Variants in CREBRF observed in about 807,000 individuals in gnomAD.
CREBRF encodes CREB3 regulatory factor.
A neutral mutation model predicts 66.1 loss-of-function variants in CREBRF; 5 were observed. That is an observed-to-expected ratio of 0.08 (90% CI 0.04 to 0.16). The LOEUF (loss-of-function observed/expected upper bound fraction) is 0.16. CREBRF is among the 10% of genes least tolerant of loss of function. CREBRF has a pLI of 1.00. For synonymous variants in CREBRF, 229 were observed against 264.4 expected, an observed-to-expected ratio of 0.87 and a Z score of 1.30; for missense variants, 531 against 744.9, an observed-to-expected ratio of 0.71 and a Z score of 3.34.
intron 6 of CREBRF, among the ~76,000 whole-genome samples, 187 bp downstream of exon 6, chr5:173,110,898 G>A (rs1439774259): frequency 6.6e-6 from 1 of 152,180 alleles, no homozygotes; most frequent in South Asian, 2.1e-4. Context: ...AAGTTTTTAA[G>A]AGGGGAGAGA....
At chr5:173,068,196 C>T (rs895730958) in intron 1 of CREBRF, 5 of 435,852 alleles carry the variant, frequency 1.1e-5, no homozygotes, top group East Asian at 7.3e-5. Flanking sequence ...ATTAAGAATA[C>T]TGACTGCCTG....
At chr5:173,104,602 C>T (rs940720146) in intron 4 of CREBRF, among the ~76,000 whole-genome samples, 2 of 151,944 alleles carry the variant, frequency 1.3e-5, no homozygotes, top group African/African-American at 4.8e-5. Context: ...ATTGCTTGAG[C>T]CGGGGAGGTC....
At position 173,090,293 on chromosome 5, in the gene CREBRF, TC is replaced by T; in HGVS notation, c.136-21del. Reference sequence around the variant, plus strand: ...TCCTTCTGAAATATGATGTGCAATTTCTTTTTTAAAACCTTTCTCAGGATAG... The same window carrying T: ...TCCTTCTGAAATATGATGTGCAATTTTTTTTTAAAACCTTTCTCAGGATAG... On this transcript the variant is annotated intron_variant, in intron 3 of 8. Coordinates refer to ENST00000296953, the MANE Select transcript of CREBRF (RefSeq NM_153607.3). This position sits in a 1 kb window ranked among gnomAD's most constrained non-coding sequence, Gnocchi z 4.5. The T allele has an allele frequency of 6.4e-7, 1 of 1,554,946 alleles. No individual in the cohort carries two copies. The highest frequency in any genetic ancestry group is 8.7e-7 in the Non-Finnish European group (1 of 1,144,106).
chr5:173,086,131 T>A (rs1758137780), intron 2 of CREBRF: 2 of 793,958 alleles, frequency 2.5e-6, no homozygotes, highest in African/African-American at 3.4e-5. Flanking sequence ...GATGGAAATT[T>A]GTTTGTCGTG....
intron 2 of CREBRF, chr5:173,085,300 A>T: frequency 1.3e-6 from 1 of 777,868 alleles, no homozygotes; most frequent in East Asian, 2.6e-5. Context: ...TATGATGTCA[A>T]CACCAGCTAT....
At chr5:173,118,431 C>G (rs72816140) in intron 7 of CREBRF, among the ~76,000 whole-genome samples, 4 of 152,064 alleles carry the variant, frequency 2.6e-5, no homozygotes, top group African/African-American at 9.7e-5. Context: ...CCAGCATTTA[C>G]AAATCTTTTC....
In CREBRF at chr5:173,139,249, C is replaced by T. The variant is rs1010426704; in HGVS notation, c.*5504C>T. The T allele has an allele frequency of 6.6e-6, 1 of 152,116 alleles. No individual in the cohort carries two copies. Among genetic ancestry groups the T allele is most frequent in the African/African-American group, 2.4e-5 (1 of 41,412 alleles). The allele number at this position is 152,116 out of a possible 1,614,324, so 9.4% of individuals were successfully genotyped here. On this transcript the variant is annotated 3_prime_UTR_variant, in exon 9 of 9. Transcript: ENST00000296953. ...CAGATTCATCAGTGTATGCAACATCCTTTGTAATTTAAAATAAAAAAAGAT... is the reference window on the plus strand; with the variant it reads ...CAGATTCATCAGTGTATGCAACATCTTTTGTAATTTAAAATAAAAAAAGAT...
rs377679411 is a variant in CREBRF, at chr5:173,090,924, C to A, written c.745C>A (p.Arg249=). Residue 249 remains arginine (R), a synonymous_variant, in exon 4 of 9, where the codon CGG becomes AGG. Transcript: ENST00000296953. This position sits in a 1 kb window ranked among gnomAD's most constrained non-coding sequence, Gnocchi z 4.5. The part of the protein sequence containing the change: ...KVKINPVQQS[R]PLLSQIHTDA... ...AAAGATCAACCCAGTGCAACAGAGC[C>A]GGCCCTTGTTGAGCCAGATTCACAC... 6.2e-7 allele frequency: 1 copy of A among 1,614,146 alleles called. No homozygotes were observed. The highest frequency in any genetic ancestry group is 8.5e-7 in the Non-Finnish European group (1 of 1,180,036).
rs372852853 is a variant in CREBRF at position 173,090,907 on chromosome 5, A to G, written c.728A>G (p.Asn243Ser). 16 of 1,614,084 alleles carry G rather than the reference A, an allele frequency of 9.9e-6. No individual in the cohort carries two copies. The African/African-American group carries it at 1.7e-4, about 18-fold the overall frequency. The change falls in exon 4 of 9, where the codon AAC becomes AGC. Residue 243 changes from asparagine to serine, a missense_variant. Coordinates refer to ENST00000296953, the MANE Select transcript of CREBRF (RefSeq NM_153607.3). This position sits in a 1 kb window ranked among gnomAD's most constrained non-coding sequence, Gnocchi z 4.5. ...GTAAAAAAGGCAAAGGTAAAGATCAACCCAGTGCAACAGAGCCGGCCCTTG... is the reference window on the plus strand; with the variant it reads ...GTAAAAAAGGCAAAGGTAAAGATCAGCCCAGTGCAACAGAGCCGGCCCTTG... ...DYVKKAKVKI[N>S]PVQQSRPLLS...
chr5:173,084,476 A>C (rs1758066407), intron 2 of CREBRF, among the ~76,000 whole-genome samples: 1 of 152,212 alleles, frequency 6.6e-6, no homozygotes, highest in South Asian at 2.1e-4. Flanking sequence ...AACAAAACAA[A>C]AACTGGTACT....
At chr5:173,080,527 TGAAAC>T in intron 1 of CREBRF, 53 bp from the exon 2 acceptor site, 1 of 533,798 alleles carries the variant, frequency 1.9e-6, no homozygotes, top group African/African-American at 1.9e-5. Context: ...ACTTTTTTTT[TGAAAC>T]ATCAACTTGT....
intron 7 of CREBRF, among the ~76,000 whole-genome samples, chr5:173,120,342 C>T (rs1266824945): frequency 6.7e-6 from 1 of 149,982 alleles, no homozygotes; most frequent in Non-Finnish European, 1.5e-5. Context: ...TATTCAGATG[C>T]TTTATTTCTT....
At chr5:173,073,980 A>AAATAAATAAAT (rs1757672589) in intron 1 of CREBRF, among the ~76,000 whole-genome samples, 2 of 149,948 alleles carry the variant, frequency 1.3e-5, no homozygotes, top group African/African-American at 4.9e-5. Flanking sequence ...ATAAAAAATA[A>AAATAAATAAAT]AAATAAATAA....
At chr5:173,073,127 CA>C (rs1169616041) in intron 1 of CREBRF, among the ~76,000 whole-genome samples, 2 of 152,198 alleles carry the variant, frequency 1.3e-5, no homozygotes, top group Non-Finnish European at 2.9e-5. Context: ...TGTTTAGGTT[CA>C]AAATGTAGAT....
At chr5:173,095,684 TATTA>T (rs1010522369) in intron 4 of CREBRF, among the ~76,000 whole-genome samples, 1 of 152,172 alleles carries the variant, frequency 6.6e-6, no homozygotes, top group Non-Finnish European at 1.5e-5. Context: ...ATTTTGGCCG[TATTA>T]ATTCTTCCAA....
chr5:173,132,085 C>CTTT (rs34701764), intron 8 of CREBRF, among the ~76,000 whole-genome samples: 1 of 124,554 alleles, frequency 8.0e-6, no homozygotes, highest in Non-Finnish European at 1.7e-5. Flanking sequence ...AAATATATTT[C>CTTT]TTTTTTTTTT....
chr5:173,113,054 T>C (rs541721573), intron 7 of CREBRF, among the ~76,000 whole-genome samples: 35 of 152,252 alleles, frequency 2.3e-4, no homozygotes, highest in African/African-American at 8.4e-4. Flanking sequence ...GTGCAGTAGT[T>C]TGATCACAGC....
At chr5:173,112,646 T>A (rs2113776573) in intron 7 of CREBRF, among the ~76,000 whole-genome samples, 1 of 152,332 alleles carries the variant, frequency 6.6e-6, no homozygotes, top group South Asian at 2.1e-4. Context: ...ATAATTTGTT[T>A]ATTTTTTTCT....
At chr5:173,083,375 G>C (rs1225004455) in intron 2 of CREBRF, among the ~76,000 whole-genome samples, 3 of 152,150 alleles carry the variant, frequency 2.0e-5, no homozygotes, top group Admixed American at 6.5e-5. Flanking sequence ...AATGTAAAAA[G>C]AAGATAGAGA....
Sources: allele counts gnomAD v4.1 joint callset (sites outside exome capture counted in the v4.1 genomes callset), GRCh38; gene constraint gnomAD v4.1.1; non-coding constraint Gnocchi (gnomAD v3.1); transcripts MANE v1.5; gene names NCBI Gene and HGNC (gene_info 2026-07-23, HGNC 2026-07-21).